The following PDGFD variants were observed in gnomAD, a reference collection of about 807,000 sequenced individuals.
The protein encoded by PDGFD is platelet-derived growth factor D.
Under a neutral mutation model 44.7 loss-of-function variants are expected in PDGFD, and 30 were observed. The observed-to-expected ratio is 0.67, with a 90% CI of 0.50 to 0.91. The LOEUF (loss-of-function observed/expected upper bound fraction) is 0.91. PDGFD is among the 40% of genes least tolerant of loss of function. The pLI is 0.00. For missense variants in PDGFD, 445 were observed against 457.8 expected (o/e 0.97, Z 0.25); for synonymous variants, 173 against 168.4 (o/e 1.03, Z -0.21).
chr11:104,013,179 A>G (rs1482883341), intron 1 of PDGFD, among the ~76,000 whole-genome samples: 1 of 152,120 alleles, frequency 6.6e-6, no homozygotes, highest in East Asian at 1.9e-4. Context: ...CCAGGGGAAG[A>G]TTATCTTCCC....
chr11:103,996,771 G>A (rs1859538892), intron 2 of PDGFD, among the ~76,000 whole-genome samples: 1 of 152,054 alleles, frequency 6.6e-6, no homozygotes, highest in Admixed American at 6.5e-5. Flanking sequence ...TTCTCTTTTT[G>A]GAAACGATCT....
chr11:103,972,647 C>A (rs1379387632), intron 3 of PDGFD, among the ~76,000 whole-genome samples: 1 of 152,140 alleles, frequency 6.6e-6, no homozygotes, highest in Non-Finnish European at 1.5e-5. Flanking sequence ...ACTGTTCCTC[C>A]TATTGAGAAT....
intron 1 of PDGFD, among the ~76,000 whole-genome samples, chr11:104,064,069 A>G (rs1860751603): frequency 6.6e-6 from 1 of 152,234 alleles, no homozygotes; most frequent in Non-Finnish European, 1.5e-5. Context: ...GATTTTCCAC[A>G]AGATGTCAGT....
rs553536834 is a variant in PDGFD, at chr11:104,107,680, A to G, written c.124+56124T>C. ...CTGTTTTTCACCAATAACAAAATTC[A>G]CTACTAGTGGAGTAAAGAACTCTGG... On this transcript the variant is annotated intron_variant, in intron 1 of 6. Transcript: ENST00000393158. 6.3e-4 allele frequency among the ~76,000 whole-genome samples: 96 copies of G among 152,334 alleles called. No individual in the cohort carries two copies. In the Middle Eastern group the frequency reaches 0.01, roughly 16 times the overall value.
At chr11:103,952,302 T>C (rs1417984139) in intron 3 of PDGFD, among the ~76,000 whole-genome samples, 2 of 152,242 alleles carry the variant, frequency 1.3e-5, no homozygotes, top group Non-Finnish European at 2.9e-5. Flanking sequence ...AACATTTCTG[T>C]TCTTTGGTAT....
intron 1 of PDGFD, among the ~76,000 whole-genome samples, chr11:104,084,800 AT>A (rs985462639): frequency 1.2e-4 from 18 of 146,488 alleles, no homozygotes; most frequent in Admixed American, 2.1e-4. Context: ...TAAAATATAT[AT>A]TTTATAAGTA....
chr11:103,927,247 C>A, intron 5 of PDGFD, 121 bp from the exon 6 acceptor site: 2 of 841,080 alleles, frequency 2.4e-6, no homozygotes, highest in Non-Finnish European at 3.8e-6. Flanking sequence ...GGGATTAAAT[C>A]CATCCTCAGG....
At chr11:103,947,854 C>T in intron 3 of PDGFD, 130 bp from the exon 4 acceptor site, 1 of 701,714 alleles carries the variant, frequency 1.4e-6, no homozygotes, top group African/African-American at 1.7e-5. Flanking sequence ...TATATTCCTG[C>T]TGAACAGGTC....
intron 1 of PDGFD, among the ~76,000 whole-genome samples, chr11:104,132,658 A>G (rs1274012354): frequency 6.6e-6 from 1 of 152,268 alleles, no homozygotes; most frequent in African/African-American, 2.4e-5. Flanking sequence ...ACATCTTTAT[A>G]TCATTATTTC....
At chr11:103,933,016 G>A (rs1858429666) in intron 5 of PDGFD, among the ~76,000 whole-genome samples, 1 of 152,138 alleles carries the variant, frequency 6.6e-6, no homozygotes, top group Non-Finnish European at 1.5e-5. Context: ...TGAAATATAG[G>A]AGTGGCACAC....
At chr11:104,162,396 C>T (rs1218824678) in intron 1 of PDGFD, among the ~76,000 whole-genome samples, 1 of 151,970 alleles carries the variant, frequency 6.6e-6, no homozygotes, top group Admixed American at 6.6e-5. Context: ...CTAGTGGAAA[C>T]ATTAAAGAGT....
At position 104,110,379 on chromosome 11, in the gene PDGFD, C is replaced by T. The variant is rs186466836; in HGVS notation, c.124+53425G>A. Among the ~76,000 whole-genome samples, 11 of 137,588 alleles carry T rather than the reference C, an allele frequency of 8.0e-5. No homozygotes were observed. In the East Asian group the frequency reaches 1.8e-3, roughly 22 times the overall value. 90.3% of individuals were successfully genotyped at this position (137,588 alleles called of 152,430 possible). A position where few individuals can be genotyped will look rare whatever the true frequency, so the allele number is the denominator to read the frequency against. On this transcript the variant is annotated intron_variant, in intron 1 of 6. Transcript: ENST00000393158. ...AACTGTATCCAACCCAATTTGAATT[C>T]GAAAGACTGTGAGTAGTAGTTATCT...
chr11:104,033,666 A>G (rs183728706), intron 1 of PDGFD, among the ~76,000 whole-genome samples: 1 of 152,344 alleles, frequency 6.6e-6, no homozygotes, highest in East Asian at 1.9e-4. Flanking sequence ...AAAAAACAAA[A>G]GCCCCAGTAT....
At chr11:104,125,448 T>C (rs1224248870) in intron 1 of PDGFD, among the ~76,000 whole-genome samples, 1 of 152,168 alleles carries the variant, frequency 6.6e-6, no homozygotes, top group African/African-American at 2.4e-5. Context: ...TTATTATTAC[T>C]ACATCATACT....
intron 1 of PDGFD, among the ~76,000 whole-genome samples, chr11:104,139,189 T>G (rs1347605136): frequency 6.6e-6 from 1 of 152,152 alleles, no homozygotes; most frequent in Non-Finnish European, 1.5e-5. Context: ...TTATTTCCAA[T>G]TTACAGATAA....
intron 1 of PDGFD, among the ~76,000 whole-genome samples, chr11:104,042,079 AAAG>A (rs1253898269): frequency 2.6e-5 from 4 of 152,210 alleles, no homozygotes; most frequent in African/African-American, 7.2e-5. Context: ...CCTGGAAAAC[AAAG>A]AAGAGGAGCA....
intron 5 of PDGFD, among the ~76,000 whole-genome samples, chr11:103,929,725 G>C (rs1215656042): frequency 1.3e-5 from 2 of 152,196 alleles, no homozygotes; most frequent in Non-Finnish European, 2.9e-5. Flanking sequence ...GTTCTGACTG[G>C]ATGCAAATAA....
chr11:104,093,760 C>CCTT (rs1312772297), intron 1 of PDGFD, among the ~76,000 whole-genome samples: 1 of 151,600 alleles, frequency 6.6e-6, no homozygotes, highest in African/African-American at 2.4e-5. Context: ...GCTCCACCCA[C>CCTT]CTTCTCCTTC....
intron 3 of PDGFD, among the ~76,000 whole-genome samples, chr11:103,972,891 G>A (rs1859123593): frequency 6.6e-6 from 1 of 152,060 alleles, no homozygotes; most frequent in African/African-American, 2.4e-5. Flanking sequence ...CAATGAACTG[G>A]CCAATAGCAT....
Sources: allele counts gnomAD v4.1 joint callset (sites outside exome capture counted in the v4.1 genomes callset), GRCh38; gene constraint gnomAD v4.1.1; transcripts MANE v1.5; gene names NCBI Gene and HGNC (gene_info 2026-07-23, HGNC 2026-07-21).